LPP: variants seen among roughly 807,000 people sequenced by gnomAD.
LPP encodes the protein LIM domain containing preferred translocation partner in lipoma.
In LPP, 38 loss-of-function variants were observed where a neutral mutation model predicts 60.4. That is an observed-to-expected ratio of 0.63 (90% CI 0.49 to 0.83). The LOEUF (loss-of-function observed/expected upper bound fraction) is 0.83, where lower values mean the gene tolerates loss of function less well. Ranked by LOEUF, LPP falls within the 40% of genes least tolerant of loss-of-function variation. The pLI is 0.00. For missense variants in LPP, 902 were observed against 783.6 expected (o/e 1.15, Z -1.80); for synonymous variants, 328 against 290.8 (o/e 1.13, Z -1.30).
chr3:188,353,398 T>C (rs1473881162), intron 3 of LPP, among the ~76,000 whole-genome samples: 1 of 152,212 alleles, frequency 6.6e-6, no homozygotes, highest in Admixed American at 6.5e-5. Context: ...GGAAAAATGT[T>C]CTCACCGAAT....
intron 4 of LPP, among the ~76,000 whole-genome samples, chr3:188,474,539 GTTGTAAGCT>G (rs1409025188): frequency 3.9e-5 from 6 of 152,178 alleles, no homozygotes; most frequent in African/African-American, 1.4e-4. Flanking sequence ...CTTTGGAGGG[GTTGTAAGCT>G]TCTGGCCTTA....
At chr3:188,759,152 C>G (rs1731310565) in intron 8 of LPP, 1 of 152,182 alleles carries the variant, frequency 6.6e-6, no homozygotes, top group Non-Finnish European at 1.5e-5. Context: ...TGGATGGCAA[C>G]CAGCATAATG....
At chr3:188,709,168 A>G (rs568761978) in intron 8 of LPP, 1 of 152,178 alleles carries the variant, frequency 6.6e-6, no homozygotes, top group African/African-American at 2.4e-5. Flanking sequence ...CAATCCATGA[A>G]TATAATGCAA....
intron 2 of LPP, among the ~76,000 whole-genome samples, chr3:188,332,012 C>CT (rs1760226095): frequency 6.6e-6 from 1 of 152,142 alleles, no homozygotes; most frequent in African/African-American, 2.4e-5. Context: ...AACTCCTTTT[C>CT]TTTTTCACAC....
intron 7 of LPP, among the ~76,000 whole-genome samples, chr3:188,639,882 G>A (rs1157528739): frequency 1.3e-5 from 2 of 152,158 alleles, no homozygotes; most frequent in African/African-American, 4.8e-5. Flanking sequence ...GTGCTGGAGA[G>A]GATGTGGAGA....
At chr3:188,569,690 C>T (rs1026390404) in intron 6 of LPP, among the ~76,000 whole-genome samples, 4 of 151,932 alleles carry the variant, frequency 2.6e-5, no homozygotes, top group African/African-American at 9.7e-5. Flanking sequence ...TGTAACTCAT[C>T]GAGGCACTAA....
rs116531395 is a variant in LPP at position 188,823,124 on chromosome 3, G to A, written c.1411-43076G>A. The stretch of plus-strand genomic sequence containing the variant: ...GGAGTGAGCCAGTATAATAATCAAG[G>A]TAATGTGGCAAGAAGGTGTGAAATT... On this transcript the variant is annotated intron_variant, in intron 9 of 11. Coordinates refer to ENST00000617246, the MANE Select transcript of LPP (RefSeq NM_001375462.1). Among the ~76,000 whole-genome samples, 936 of 152,224 alleles carry A rather than the reference G, an allele frequency of 6.1e-3. 12 individuals are homozygous for A. The highest frequency in any genetic ancestry group is 0.022 in the African/African-American group (902 of 41,536).
chr3:188,307,278 A>G (rs1381939587), intron 2 of LPP, among the ~76,000 whole-genome samples: 3 of 152,308 alleles, frequency 2.0e-5, no homozygotes, highest in African/African-American at 7.2e-5. Context: ...AAAATCATAC[A>G]TACCAGTGGA....
At chr3:188,588,015 C>A (rs918125193) in intron 6 of LPP, among the ~76,000 whole-genome samples, 1 of 152,146 alleles carries the variant, frequency 6.6e-6, no homozygotes, top group Non-Finnish European at 1.5e-5. Context: ...ATGTGTTAAC[C>A]TGATACTTAA....
intron 6 of LPP, among the ~76,000 whole-genome samples, chr3:188,582,129 A>C (rs1306787012): frequency 6.7e-6 from 1 of 148,360 alleles, no homozygotes; most frequent in Non-Finnish European, 1.5e-5. Flanking sequence ...CCTCTCCTTG[A>C]ATGTCGTTTT....
chr3:188,715,253 C>G (rs961396769), intron 8 of LPP, among the ~76,000 whole-genome samples: 2 of 151,714 alleles, frequency 1.3e-5, no homozygotes, highest in Admixed American at 1.3e-4. Flanking sequence ...TGGCACGCAC[C>G]TGTAGTCCCA....
chr3:188,211,323 G>A (rs377431914), intron 1 of LPP, among the ~76,000 whole-genome samples: 1 of 152,212 alleles, frequency 6.6e-6, no homozygotes. Flanking sequence ...GTGAGAACAA[G>A]CAACCTCTTG....
chr3:188,707,188 G>T (rs1865648626), intron 7 of LPP, among the ~76,000 whole-genome samples: 1 of 151,618 alleles, frequency 6.6e-6, no homozygotes. Flanking sequence ...ATGTTTTGGG[G>T]TACATGTGAG....
chr3:188,358,854 T>TA (rs1768381415), intron 3 of LPP, among the ~76,000 whole-genome samples: 2 of 152,130 alleles, frequency 1.3e-5, no homozygotes, highest in Non-Finnish European at 2.9e-5. Context: ...TGATGCATTG[T>TA]CCGCAAAGAC....
At chr3:188,841,586 T>G (rs1240839207) in intron 9 of LPP, among the ~76,000 whole-genome samples, 1 of 152,086 alleles carries the variant, frequency 6.6e-6, no homozygotes, top group African/African-American at 2.4e-5. Flanking sequence ...GAGATGGGGT[T>G]TCACCATCTT....
chr3:188,488,697 C>T (rs534757057), intron 5 of LPP, among the ~76,000 whole-genome samples: 7 of 151,888 alleles, frequency 4.6e-5, no homozygotes, highest in Non-Finnish European at 8.8e-5. Flanking sequence ...AGTGCAGTGG[C>T]GGGATCTTGG....
At position 188,598,510 on chromosome 3, in the gene LPP, GA is replaced by G. The variant is rs375899810; in HGVS notation, c.430-10643del. ...AACAAGCTTTACTGCATCAAGAGGA[GA>G]AAAAAAATTGTGATCACGTTTATAA... On this transcript the variant is annotated intron_variant, in intron 6 of 11. Transcript: ENST00000617246. Among the ~76,000 whole-genome samples, 783 of 151,820 alleles carry G rather than the reference GA, an allele frequency of 5.2e-3. 12 individuals carry two copies. The highest frequency in any genetic ancestry group is 0.046 in the South Asian group (221 of 4,800).
intron 6 of LPP, among the ~76,000 whole-genome samples, chr3:188,552,605 A>G (rs1472657840): frequency 6.6e-6 from 1 of 152,156 alleles, no homozygotes; most frequent in Non-Finnish European, 1.5e-5. Context: ...GGCTCTAGTC[A>G]TAGTCATTAC....
At chr3:188,669,026 C>T (rs760252438) in intron 7 of LPP, among the ~76,000 whole-genome samples, 8 of 152,026 alleles carry the variant, frequency 5.3e-5, no homozygotes, top group Admixed American at 1.3e-4. Context: ...AAGACAAGCA[C>T]GGGCTCATCA....
Sources: allele counts gnomAD v4.1 joint callset (sites outside exome capture counted in the v4.1 genomes callset), GRCh38; gene constraint gnomAD v4.1.1; transcripts MANE v1.5; gene names NCBI Gene and HGNC (gene_info 2026-07-23, HGNC 2026-07-21).